Variants in ZNF728 observed in about 807,000 individuals in gnomAD.
ZNF728 encodes the protein zinc finger protein 728.
ZNF728 carries 12 observed loss-of-function variants against 12.5 expected under a neutral mutation model. The ratio of observed to expected loss-of-function variants is 0.96; its 90% CI spans 0.61 to 1.55. ZNF728 has a LOEUF of 1.55. Ranked by LOEUF, ZNF728 falls within the 40% of genes most tolerant of loss-of-function variation. ZNF728 has a pLI of 0.00. For missense variants in ZNF728, 692 were observed against 719.2 expected, an observed-to-expected ratio of 0.96 and a Z score of 0.43; for synonymous variants, 205 against 240.7, an observed-to-expected ratio of 0.85 and a Z score of 1.37.
chr19:23,000,250 C>T (rs184830236), intron 1 of ZNF728, among the ~76,000 whole-genome samples: 1 of 151,798 alleles, frequency 6.6e-6, no homozygotes, highest in Non-Finnish European at 1.5e-5. Flanking sequence ...TGGTGGCGGG[C>T]GCCTGTAGTC....
At chr19:23,002,132 A>G (rs889943667) in intron 1 of ZNF728, among the ~76,000 whole-genome samples, 2 of 152,336 alleles carry the variant, frequency 1.3e-5, no homozygotes, top group African/African-American at 4.8e-5. Flanking sequence ...CCTGACCAAC[A>G]TGGTGAAACC....
chr19:22,989,569 T>G (rs940758091), intron 1 of ZNF728, among the ~76,000 whole-genome samples: 6 of 152,262 alleles, frequency 3.9e-5, no homozygotes, highest in African/African-American at 1.4e-4. Context: ...TAACATCAAC[T>G]ACACTAGAAC....
intron 2 of ZNF728, 37 bp from the exon 3 acceptor site, chr19:22,987,440 A>G: frequency 5.8e-6 from 9 of 1,545,690 alleles, no homozygotes; most frequent in Non-Finnish European, 7.0e-6. Context: ...CATCTTGCTC[A>G]TATTCTCCAA....
At chr19:22,995,345 A>G (rs1969038209) in intron 1 of ZNF728, 1 of 152,192 alleles carries the variant, frequency 6.6e-6, no homozygotes, top group South Asian at 2.1e-4. Context: ...ATATCTCCCT[A>G]AGAAGAATTT....
intron 1 of ZNF728, among the ~76,000 whole-genome samples, chr19:22,996,969 A>G (rs1969057359): frequency 6.6e-6 from 1 of 152,184 alleles, no homozygotes; most frequent in African/African-American, 2.4e-5. Context: ...GAAGAGAGAA[A>G]GATGTTATTA....
chr19:22,990,974 C>G (rs1225337414), intron 1 of ZNF728, among the ~76,000 whole-genome samples: 1 of 152,116 alleles, frequency 6.6e-6, no homozygotes, highest in Non-Finnish European at 1.5e-5. Flanking sequence ...GTCTTTTAAA[C>G]AAGTGCGCTG....
intron 3 of ZNF728, among the ~76,000 whole-genome samples, chr19:22,981,059 C>T (rs576402280): frequency 6.6e-6 from 1 of 150,854 alleles, no homozygotes; most frequent in East Asian, 1.9e-4. Flanking sequence ...ACACAAAATA[C>T]CCTTCAAAAA....
Position 22,991,474 on chromosome 19 carries a change from A to G in ZNF728, c.4-3023T>C, listed in dbSNP as rs184927880. ...ATGGAAAGAATTTAATGCAATTTAG[A>G]TAAATTTTTATTGTGTTTATATTTA... On this transcript the variant is annotated intron_variant, in intron 1 of 3. Coordinates refer to ENST00000594710, the MANE Select transcript of ZNF728 (RefSeq NM_001267716.2). 3.6e-3 allele frequency among the ~76,000 whole-genome samples: 552 copies of G among 152,328 alleles called. 6 individuals carry two copies. Among genetic ancestry groups the G allele is most frequent in the African/African-American group, 0.012 (515 of 41,572 alleles).
At position 22,975,370 on chromosome 19, in the gene ZNF728, A is replaced by G; in HGVS notation, c.*98T>C. Reference sequence around the variant, plus strand: ...GTAAGGATTGAGGAACAGTTAAAAAATTTGCCACATTCTTCACATTTGTAG... The same window carrying G: ...GTAAGGATTGAGGAACAGTTAAAAAGTTTGCCACATTCTTCACATTTGTAG... On this transcript the variant is annotated 3_prime_UTR_variant, in exon 4 of 4. Transcript: ENST00000594710. 2.6e-6 allele frequency: 3 copies of G among 1,145,254 alleles called. No homozygotes were observed. The South Asian group carries it at 4.5e-5, about 17-fold the overall frequency. The allele number at this position is 1,145,254 out of a possible 1,614,324, so 70.9% of individuals were successfully genotyped here.
At chr19:22,998,324 G>C (rs1422637271) in intron 1 of ZNF728, among the ~76,000 whole-genome samples, 1 of 143,330 alleles carries the variant, frequency 7.0e-6, no homozygotes, top group Non-Finnish European at 1.5e-5. Flanking sequence ...GTTTGAGACC[G>C]GCATGGACAA....
chr19:22,977,258 T>C, intron 3 of ZNF728, 148 bp from the exon 4 acceptor site: 1 of 784,422 alleles, frequency 1.3e-6, no homozygotes, highest in East Asian at 2.8e-5. Context: ...ATAAATGTAA[T>C]AAAAGCATAC....
At position 22,976,683 on chromosome 19, in the gene ZNF728, A is replaced by G. The variant is rs778755175; in HGVS notation, c.654T>C (p.Tyr218=). ...KAFNWSSALT[Y]KRIHTGEKPC... ...GTTTCTCTCCAGTATGAATTCTCTT[A>G]TAAGTAAGGGCTGAGGACCAGTTAA... is the stretch of plus-strand genomic sequence containing the variant. The change falls in exon 4 of 4, where the codon TAT becomes TAC. Residue 218 remains tyrosine (Y), a synonymous_variant. Coordinates refer to ENST00000594710, the MANE Select transcript of ZNF728 (RefSeq NM_001267716.2). 33 of 1,613,048 alleles carry G rather than the reference A, an allele frequency of 2.0e-5. No homozygotes were observed. In the African/African-American group the frequency reaches 3.5e-4, roughly 17 times the overall value.
At position 23,003,153 on chromosome 19, in the gene ZNF728, C is replaced by A; in HGVS notation, c.-123G>T. On this transcript the variant is annotated 5_prime_UTR_variant, in exon 1 of 4. Transcript: ENST00000594710. ...CACAGCAGTAAGGACGACACCTTGA[C>A]CTCCGCGTGCAGCGAGAGCCAACGG... is the stretch of plus-strand genomic sequence containing the variant. 2.5e-6 allele frequency: 3 copies of A among 1,185,424 alleles called. No homozygotes were observed. Among genetic ancestry groups the A allele is most frequent in the Non-Finnish European group, 3.5e-6 (3 of 860,762 alleles). 73.4% of individuals were successfully genotyped at this position (1,185,424 alleles called of 1,614,324 possible). A position where few individuals can be genotyped will look rare whatever the true frequency, so the allele number is the denominator to read the frequency against.
chr19:22,980,719 A>C (rs1968852954), intron 3 of ZNF728, among the ~76,000 whole-genome samples: 1 of 152,240 alleles, frequency 6.6e-6, no homozygotes, highest in Admixed American at 6.5e-5. Context: ...CAGGATTAAG[A>C]AACTCACCCA....
Position 22,975,420 on chromosome 19 carries a change from T to C in ZNF728, c.*48A>G. On this transcript the variant is annotated 3_prime_UTR_variant, in exon 4 of 4. Coordinates refer to ENST00000594710, the MANE Select transcript of ZNF728 (RefSeq NM_001267716.2). ...GGGTTTCCCTCCTGTATAAATACCC[T>C]TATGTTCAGTAAGGGTTAAGAACTA... 1 of 1,478,476 alleles carries C rather than the reference T, an allele frequency of 6.8e-7. No individual in the cohort carries two copies. Among genetic ancestry groups the C allele is most frequent in the South Asian group, 1.3e-5 (1 of 74,380 alleles). The allele number at this position is 1,478,476 out of a possible 1,614,324, so 91.6% of individuals were successfully genotyped here. A position where few individuals can be genotyped will look rare whatever the true frequency, so the allele number is the denominator to read the frequency against.
Position 22,975,911 on chromosome 19 carries a change from C to T in ZNF728, c.1426G>A (p.Gly476Arg). ...SLTTHKAIHA[G>R]EKLYKCEECG... ...TCTTCACATTTGTAGAGTTTCTCTC[C>T]AGCATGAATTGCCTTATGTGTAGTA... Residue 476 changes from glycine to arginine, a missense_variant, in exon 4 of 4, where the codon GGA becomes AGA. Transcript: ENST00000594710. The T allele has an allele frequency of 1.9e-6, 3 of 1,606,374 alleles. No homozygotes were observed. The highest frequency in any genetic ancestry group is 2.6e-6 in the Non-Finnish European group (3 of 1,174,364).
In ZNF728 at chr19:22,976,102, GT is replaced by G. The variant is rs1311188607; in HGVS notation, c.1234del (p.Thr412LeufsTer5). On this transcript the variant is annotated frameshift_variant, in exon 4 of 4. Coordinates refer to ENST00000594710, the MANE Select transcript of ZNF728 (RefSeq NM_001267716.2). LOFTEE classifies it low-confidence loss of function (END_TRUNC). ...TCCAGTATGAATTATCTTATGTTTAGTAAGTGTTGAGGACCACTTAAAGGTT... is the reference window on the plus strand; with the variant it reads ...TCCAGTATGAATTATCTTATGTTTAGAAGTGTTGAGGACCACTTAAAGGTT... Reference protein sequence around the residue: ...GKTFKWSSTLTKHKIIHTGEK... With the variant: ...GKTFKWSSTLXKHKIIHTGEK... 4.3e-6 allele frequency: 7 copies of G among 1,611,522 alleles called. No individual in the cohort carries two copies. The highest frequency in any genetic ancestry group is 1.3e-5 in the African/African-American group (1 of 74,438).
At chr19:22,996,436 C>G (rs1969050840) in intron 1 of ZNF728, among the ~76,000 whole-genome samples, 1 of 152,160 alleles carries the variant, frequency 6.6e-6, no homozygotes, top group South Asian at 2.1e-4. Flanking sequence ...AGTATGTCAG[C>G]CTGCAAATAA....
intron 3 of ZNF728, among the ~76,000 whole-genome samples, chr19:22,983,806 G>A (rs1021966945): frequency 2.0e-5 from 3 of 152,052 alleles, no homozygotes; most frequent in African/African-American, 4.8e-5. Flanking sequence ...GTTGAACAAC[G>A]ACAACACAGG....
Sources: allele counts gnomAD v4.1 joint callset (sites outside exome capture counted in the v4.1 genomes callset), GRCh38; gene constraint gnomAD v4.1.1; transcripts MANE v1.5; gene names NCBI Gene and HGNC (gene_info 2026-07-23, HGNC 2026-07-21).